Variants in GRIN2B observed in about 807,000 individuals in gnomAD.
The protein encoded by GRIN2B is glutamate ionotropic receptor NMDA type subunit 2B.
In GRIN2B, 5 loss-of-function variants were observed where a neutral mutation model predicts 114.5. The observed-to-expected ratio is 0.04, with a 90% CI of 0.02 to 0.09. The LOEUF is 0.09. Ranked by LOEUF, GRIN2B falls within the 10% of genes least tolerant of loss-of-function variation. The probability of loss-of-function intolerance (pLI) is 1.00; values close to 1 mark genes in which losing one functional copy is unlikely to be tolerated. For missense variants in GRIN2B, 1,108 were observed against 1,943.5 expected (o/e 0.57, Z 8.08); for synonymous variants, 787 against 745.1 (o/e 1.06, Z -0.92).
chr12:13,566,371 A>T (rs193001929), intron 13 of GRIN2B, among the ~76,000 whole-genome samples: 1 of 152,278 alleles, frequency 6.6e-6, no homozygotes, highest in African/African-American at 2.4e-5. Context: ...TTTTAAAAAA[A>T]CTTCTCCCTG....
rs1323992565 is a variant in GRIN2B at position 13,640,420 on chromosome 12, G to A, written c.1126-23763C>T. ...CCATACTGCCCCTTGCCCTGCTATT[G>A]TTAAGCCTATCTTGTCTCACACATT... On this transcript the variant is annotated intron_variant, in intron 5 of 13. Coordinates refer to ENST00000609686, the MANE Select transcript of GRIN2B (RefSeq NM_000834.5). Among the ~76,000 whole-genome samples, 35 of 152,072 alleles carry A rather than the reference G, an allele frequency of 2.3e-4. 1 individual carries two copies.
intron 5 of GRIN2B, among the ~76,000 whole-genome samples, chr12:13,648,313 G>T (rs1450383811): frequency 6.6e-6 from 1 of 152,000 alleles, no homozygotes; most frequent in African/African-American, 2.4e-5. Context: ...GTTTTACATA[G>T]CTCTCACCCT....
At chr12:13,793,848 G>A (rs1864360714) in intron 3 of GRIN2B, among the ~76,000 whole-genome samples, 1 of 152,070 alleles carries the variant, frequency 6.6e-6, no homozygotes, top group African/African-American at 2.4e-5. Context: ...GAAGAAGGAA[G>A]TGGGAGAGGG....
chr12:13,840,554 T>C (rs1865360186), intron 3 of GRIN2B, among the ~76,000 whole-genome samples: 1 of 152,100 alleles, frequency 6.6e-6, no homozygotes, highest in Non-Finnish European at 1.5e-5. Context: ...CTCACAGGAT[T>C]ATAGAAAAAT....
At chr12:13,568,051 T>C (rs1948664315) in intron 12 of GRIN2B, among the ~76,000 whole-genome samples, 2 of 152,014 alleles carry the variant, frequency 1.3e-5, no homozygotes, top group African/African-American at 4.8e-5. Flanking sequence ...TACTGATCTC[T>C]TGTTGAAGAA....
intron 2 of GRIN2B, among the ~76,000 whole-genome samples, chr12:13,899,156 T>C (rs1361480847): frequency 2.0e-5 from 3 of 152,124 alleles, no homozygotes; most frequent in African/African-American, 7.2e-5. Context: ...TTATGAAAGA[T>C]TTGAATTCTG....
At position 13,547,467 on chromosome 12, in the gene GRIN2B, A is replaced by C. The variant is rs569864655; in HGVS notation, c.*15316T>G. ...CTGCAAAGACCCTTGGGATTAAATG[A>C]AATCTGCTGATTCTACTCTTTTTTC... is the stretch of plus-strand genomic sequence containing the variant. On this transcript the variant is annotated 3_prime_UTR_variant, in exon 14 of 14. Coordinates refer to ENST00000609686, the MANE Select transcript of GRIN2B (RefSeq NM_000834.5). 1 of 152,306 alleles carries C rather than the reference A, an allele frequency of 6.6e-6. No individual in the cohort carries two copies. Among genetic ancestry groups the C allele is most frequent in the South Asian group, 2.1e-4 (1 of 4,816 alleles). 9.4% of individuals were successfully genotyped at this position (152,306 alleles called of 1,614,324 possible). A position where few individuals can be genotyped will look rare whatever the true frequency, so the allele number is the denominator to read the frequency against.
intron 2 of GRIN2B, among the ~76,000 whole-genome samples, chr12:13,954,295 G>A (rs750083146): frequency 1.3e-5 from 2 of 152,208 alleles, no homozygotes; most frequent in Non-Finnish European, 2.9e-5. Context: ...AACAAAGGGT[G>A]CTGGCCAGGT....
chr12:13,629,432 A>G (rs1949599297), intron 5 of GRIN2B, among the ~76,000 whole-genome samples: 1 of 151,910 alleles, frequency 6.6e-6, no homozygotes, highest in Admixed American at 6.6e-5. Flanking sequence ...CATTACTCCT[A>G]ATGGTTTCCC....
intron 10 of GRIN2B, among the ~76,000 whole-genome samples, chr12:13,601,494 T>C (rs1310135631): frequency 6.6e-6 from 1 of 152,104 alleles, no homozygotes; most frequent in Non-Finnish European, 1.5e-5. Context: ...TTTTGAGATC[T>C]TTAACTTAAT....
chr12:13,577,165 C>T lies in GRIN2B; in HGVS notation c.2011-5201G>A, dbSNP rs182658396. 6.6e-5 allele frequency among the ~76,000 whole-genome samples: 10 copies of T among 152,284 alleles called. 1 individual carries two copies. The highest frequency in any genetic ancestry group is 6.8e-3 in the Middle Eastern group (2 of 294). ...GTGAAGCCACACACTGTAAGTGGGG[C>T]CACATAGAGTATCTTCCTTTTGTGG... On this transcript the variant is annotated intron_variant, in intron 10 of 13. Coordinates refer to ENST00000609686, the MANE Select transcript of GRIN2B (RefSeq NM_000834.5).
At position 13,552,285 on chromosome 12, in the gene GRIN2B, A is replaced by AC. The variant is rs1351593742; in HGVS notation, c.*10497dup. 2.0e-5 allele frequency: 3 copies of AC among 152,170 alleles called. No individual in the cohort carries two copies. Among genetic ancestry groups the AC allele is most frequent in the African/African-American group, 7.2e-5 (3 of 41,440 alleles). The allele number at this position is 152,170 out of a possible 1,614,324, so 9.4% of individuals were successfully genotyped here. A position where few individuals can be genotyped will look rare whatever the true frequency, so the allele number is the denominator to read the frequency against. The stretch of plus-strand genomic sequence containing the variant: ...TTCCTTGTGGATATCAGGACCTCAC[A>AC]CATAAGGTTGCATTCAGGTTCCTCA... On this transcript the variant is annotated 3_prime_UTR_variant, in exon 14 of 14. Coordinates refer to ENST00000609686, the MANE Select transcript of GRIN2B (RefSeq NM_000834.5).
At chr12:13,714,226 ACT>A (rs1950437379) in intron 4 of GRIN2B, among the ~76,000 whole-genome samples, 1 of 151,752 alleles carries the variant, frequency 6.6e-6, no homozygotes, top group South Asian at 2.1e-4. Context: ...GTAAGTCCAC[ACT>A]GAGGCAGTAA....
At chr12:13,706,685 C>G (rs1448432997) in intron 4 of GRIN2B, among the ~76,000 whole-genome samples, 1 of 152,100 alleles carries the variant, frequency 6.6e-6, no homozygotes, top group African/African-American at 2.4e-5. Context: ...CAGATGCCAC[C>G]TGCCCTAGGA....
chr12:13,702,135 C>T (rs1028860989), intron 4 of GRIN2B, among the ~76,000 whole-genome samples: 3 of 152,120 alleles, frequency 2.0e-5, no homozygotes, highest in African/African-American at 7.2e-5. Context: ...ATTGTTCTTC[C>T]ATTATCATTC....
At chr12:13,713,642 A>G (rs1249405307) in intron 4 of GRIN2B, among the ~76,000 whole-genome samples, 4 of 151,838 alleles carry the variant, frequency 2.6e-5, no homozygotes, top group African/African-American at 9.7e-5. Flanking sequence ...AAAATTCTAC[A>G]AGGGAACAAC....
At chr12:13,658,458 C>T (rs894976428) in intron 5 of GRIN2B, among the ~76,000 whole-genome samples, 1 of 151,960 alleles carries the variant, frequency 6.6e-6, no homozygotes, top group African/African-American at 2.4e-5. Flanking sequence ...TCCTCAGATT[C>T]TGAAAAAGAG....
At chr12:13,978,115 A>G (rs924072799) in intron 2 of GRIN2B, among the ~76,000 whole-genome samples, 1 of 152,154 alleles carries the variant, frequency 6.6e-6, no homozygotes, top group Non-Finnish European at 1.5e-5. Context: ...GGCACTGGGG[A>G]TGCAAAAGGG....
intron 2 of GRIN2B, among the ~76,000 whole-genome samples, chr12:13,972,600 G>A (rs1328076852): frequency 2.6e-5 from 4 of 152,198 alleles, no homozygotes; most frequent in Non-Finnish European, 5.9e-5. Flanking sequence ...ATTCCAAGGG[G>A]GCTCTTGGGG....
Sources: gnomAD v4.1 joint callset for allele counts (sites outside exome capture counted in the v4.1 genomes callset) on GRCh38, gnomAD v4.1.1 for gene constraint, MANE v1.5 for transcripts, NCBI Gene and HGNC (gene_info 2026-07-23, HGNC 2026-07-21) for gene names.